The following SEMA5A variants were observed in gnomAD, a reference collection of about 807,000 sequenced individuals.
The protein encoded by SEMA5A is semaphorin 5A.
Under a neutral mutation model 135.5 loss-of-function variants are expected in SEMA5A, and 55 were observed. The observed-to-expected ratio is 0.41, with a 90% CI of 0.33 to 0.51. The LOEUF (loss-of-function observed/expected upper bound fraction) is 0.51, where lower values mean the gene tolerates loss of function less well. Ranked by LOEUF, SEMA5A falls within the 20% of genes least tolerant of loss-of-function variation. The pLI, the probability that SEMA5A is intolerant of heterozygous loss-of-function variation, is 0.37. For synonymous variants in SEMA5A, 580 were observed against 546.5 expected, an observed-to-expected ratio of 1.06 and a Z score of -0.85; for missense variants, 1,290 against 1,419.9, an observed-to-expected ratio of 0.91 and a Z score of 1.47.
chr5:9,295,841 T>G (rs1579297547), intron 5 of SEMA5A, among the ~76,000 whole-genome samples: 2 of 152,358 alleles, frequency 1.3e-5, no homozygotes, highest in South Asian at 2.1e-4. Flanking sequence ...TTAGGAAAAC[T>G]TAACCTCTTT....
At chr5:9,112,601 C>G (rs1436034151) in intron 15 of SEMA5A, among the ~76,000 whole-genome samples, 1 of 152,188 alleles carries the variant, frequency 6.6e-6, no homozygotes, top group Non-Finnish European at 1.5e-5. Flanking sequence ...ATCAGTTTGG[C>G]TCACCACAGG....
chr5:9,170,979 C>T (rs1743889217), intron 11 of SEMA5A, among the ~76,000 whole-genome samples: 1 of 152,098 alleles, frequency 6.6e-6, no homozygotes, highest in Non-Finnish European at 1.5e-5. Context: ...GTCAAAAGAG[C>T]TGAGAGAAGA....
intron 4 of SEMA5A, among the ~76,000 whole-genome samples, chr5:9,330,654 C>T (rs1753091795): frequency 6.6e-6 from 1 of 151,900 alleles, no homozygotes; most frequent in African/African-American, 2.4e-5. Context: ...GGTAACAAAG[C>T]CAGCAGACAA....
chr5:9,070,459 C>A (rs932372940), intron 16 of SEMA5A, among the ~76,000 whole-genome samples: 2 of 152,180 alleles, frequency 1.3e-5, no homozygotes, highest in African/African-American at 4.8e-5. Context: ...TGCAGCATTA[C>A]CTATAAATTA....
In SEMA5A at chr5:9,035,826, G is replaced by A. The variant is rs1735624048; in HGVS notation, c.*7071C>T. The A allele has an allele frequency of 6.6e-6, 1 of 151,934 alleles. No homozygotes were observed. The highest frequency in any genetic ancestry group is 2.4e-5 in the African/African-American group (1 of 41,362). The allele number at this position is 151,934 out of a possible 1,614,324, so 9.4% of individuals were successfully genotyped here. A position where few individuals can be genotyped will look rare whatever the true frequency, so the allele number is the denominator to read the frequency against. On this transcript the variant is annotated 3_prime_UTR_variant, in exon 23 of 23. Transcript: ENST00000382496. ...TCCATTTTCTCATTCAAACAAAGGGGAAATGTAAAGCTATCTCATTGTTTT... is the reference window on the plus strand; with the variant it reads ...TCCATTTTCTCATTCAAACAAAGGGAAAATGTAAAGCTATCTCATTGTTTT...
chr5:9,190,797 A>C (rs1745068961), intron 10 of SEMA5A, among the ~76,000 whole-genome samples: 1 of 152,236 alleles, frequency 6.6e-6, no homozygotes, highest in Non-Finnish European at 1.5e-5. Flanking sequence ...GAGTTACTTG[A>C]AAGCTGTCTG....
intron 1 of SEMA5A, among the ~76,000 whole-genome samples, chr5:9,483,030 T>G (rs1759935064): frequency 6.6e-6 from 1 of 152,228 alleles, no homozygotes; most frequent in South Asian, 2.1e-4. Context: ...GTGACCTTAT[T>G]GTGGTAAATA....
rs1175852922 is a variant in SEMA5A, at chr5:9,120,558, A to T, written c.1782-1417T>A. ...TCTTCCCACATTTCTTATAAAGATAATCAGCTAGTATCTTATACCCTGCTA... is the reference window on the plus strand; with the variant it reads ...TCTTCCCACATTTCTTATAAAGATATTCAGCTAGTATCTTATACCCTGCTA... On this transcript the variant is annotated intron_variant, in intron 14 of 22. Coordinates refer to ENST00000382496, the MANE Select transcript of SEMA5A (RefSeq NM_003966.3). 2.0e-5 allele frequency among the ~76,000 whole-genome samples: 3 copies of T among 152,286 alleles called. No homozygotes were observed. In the East Asian group the frequency reaches 5.8e-4, roughly 29 times the overall value.
At position 9,182,149 on chromosome 5, in the gene SEMA5A, GC is replaced by G. The variant is rs766612426; in HGVS notation, c.1273+8117del. Reference sequence around the variant, plus strand: ...TGCAACTGCTTGTTTTATTGCTTCTGCCCCCCACCCCAAAAAAAAATACGCT... The same window carrying G: ...TGCAACTGCTTGTTTTATTGCTTCTGCCCCCACCCCAAAAAAAAATACGCT... On this transcript the variant is annotated intron_variant, in intron 11 of 22. Transcript: ENST00000382496. 8.9e-5 allele frequency among the ~76,000 whole-genome samples: 11 copies of G among 123,082 alleles called. 1 individual carries two copies. Among genetic ancestry groups the G allele is most frequent in the African/African-American group, 3.9e-4 (11 of 28,018 alleles). The allele number at this position is 123,082 out of a possible 152,430, so 80.7% of individuals were successfully genotyped here. A position where few individuals can be genotyped will look rare whatever the true frequency, so the allele number is the denominator to read the frequency against.
intron 8 of SEMA5A, among the ~76,000 whole-genome samples, chr5:9,207,888 G>GATAGATAC (rs1554003526): frequency 3.5e-5 from 2 of 57,692 alleles, no homozygotes; most frequent in African/African-American, 5.5e-5. Flanking sequence ...TAGATAGATA[G>GATAGATAC]ATAGATAGAT....
At chr5:9,462,291 T>C (rs1759086667) in intron 1 of SEMA5A, among the ~76,000 whole-genome samples, 1 of 152,042 alleles carries the variant, frequency 6.6e-6, no homozygotes, top group Admixed American at 6.6e-5. Flanking sequence ...CTCACACCAC[T>C]CAGAATGGCT....
chr5:9,345,923 A>G lies in SEMA5A; in HGVS notation c.125-8111T>C, dbSNP rs373936971. On this transcript the variant is annotated intron_variant, in intron 3 of 22. Transcript: ENST00000382496. The stretch of plus-strand genomic sequence containing the variant: ...TCTGTATACATATAGACACACATAT[A>G]CATGATAGGGAGAGAAGGCAGAGAG... Among the ~76,000 whole-genome samples, 14 of 152,354 alleles carry G rather than the reference A, an allele frequency of 9.2e-5. No individual in the cohort carries two copies. In the East Asian group the frequency reaches 1.3e-3, roughly 15 times the overall value.
intron 3 of SEMA5A, among the ~76,000 whole-genome samples, chr5:9,372,635 A>G (rs1363656559): frequency 6.6e-6 from 1 of 152,092 alleles, no homozygotes; most frequent in East Asian, 1.9e-4. Flanking sequence ...TGGGAGACAC[A>G]TAGTGCCATG....
intron 1 of SEMA5A, among the ~76,000 whole-genome samples, chr5:9,455,027 G>A (rs1758778612): frequency 6.6e-6 from 1 of 152,086 alleles, no homozygotes; most frequent in African/African-American, 2.4e-5. Flanking sequence ...CTCCAAAAAT[G>A]GATTCATGAA....
chr5:9,373,358 T>C (rs1186516322), intron 3 of SEMA5A, among the ~76,000 whole-genome samples: 1 of 152,074 alleles, frequency 6.6e-6, no homozygotes, highest in Non-Finnish European at 1.5e-5. Flanking sequence ...AGACTACATA[T>C]GGGGATAAAG....
chr5:9,192,803 C>T (rs576508579), intron 10 of SEMA5A, among the ~76,000 whole-genome samples: 1 of 152,116 alleles, frequency 6.6e-6, no homozygotes, highest in Admixed American at 6.5e-5. Context: ...CAAGTCACGG[C>T]GGCAGTTAGC....
At position 9,202,177 on chromosome 5, in the gene SEMA5A, G is replaced by A. The variant is rs1483847051; in HGVS notation, c.710C>T (p.Ala237Val). 2.5e-6 allele frequency: 4 copies of A among 1,613,916 alleles called. No homozygotes were observed. The highest frequency in any genetic ancestry group is 3.4e-6 in the Non-Finnish European group (4 of 1,179,994). Reference protein sequence around the residue: ...NFTYFFFRENAVEHDCGKTVF... With the variant: ...NFTYFFFRENVVEHDCGKTVF... The stretch of plus-strand genomic sequence containing the variant: ...TGTTTTCCCACAGTCATGCTCTACT[G>A]CATTTTCTCGGAAAAAGAAGTAGGT... The change falls in exon 9 of 23, where the codon GCA (alanine) becomes GTA (valine). Residue 237 changes from alanine (A) to valine (V), a missense_variant. Physicochemically the swap from Ala to Val is moderately conservative, Grantham distance 64. Around this residue, in one of 3 missense-constraint regions of SEMA5A, gnomAD observed 145 missense variants for 212.0 expected, o/e 0.68. Transcript: ENST00000382496.
chr5:9,257,593 G>T (rs1007057875), intron 5 of SEMA5A, among the ~76,000 whole-genome samples: 1 of 134,564 alleles, frequency 7.4e-6, no homozygotes, highest in Non-Finnish European at 1.7e-5. Flanking sequence ...ATTCTATTTT[G>T]CTCTAAAAAA....
In SEMA5A at chr5:9,523,459, T is replaced by C. The variant is rs142092723; in HGVS notation, c.-175+22125A>G. 2.8e-3 allele frequency among the ~76,000 whole-genome samples: 430 copies of C among 152,272 alleles called. 3 individuals carry two copies. Among genetic ancestry groups the C allele is most frequent in the African/African-American group, 9.9e-3 (413 of 41,548 alleles). ...ATATCTTAGCTATAATTGCAACCAC[T>C]CCATATTGTGTAAAATTGTTTACAA... On this transcript the variant is annotated intron_variant, in intron 1 of 22. Transcript: ENST00000382496.
Sources: gnomAD v4.1 joint callset for allele counts (sites outside exome capture counted in the v4.1 genomes callset) on GRCh38, gnomAD v4.1.1 for gene constraint, gnomAD v4.1.1 regional missense constraint, MANE v1.5 for transcripts, NCBI Gene and HGNC (gene_info 2026-07-23, HGNC 2026-07-21) for gene names.